VTI1A: variants seen among roughly 807,000 people sequenced by gnomAD.
The protein encoded by VTI1A is vesicle transport through interaction with t-SNAREs homolog 1A.
A neutral mutation model predicts 34.9 loss-of-function variants in VTI1A; 22 were observed. That is an observed-to-expected ratio of 0.63 (90% CI 0.45 to 0.90). VTI1A has a LOEUF of 0.90. Among genes scored for constraint, VTI1A ranks in the 40% least tolerant of loss-of-function variants. The pLI is 0.00. For synonymous variants in VTI1A, 87 were observed against 97.3 expected (o/e 0.89, Z 0.62); for missense variants, 268 against 275.6 (o/e 0.97, Z 0.20).
At chr10:112,590,326 A>G (rs1233399572) in intron 5 of VTI1A, among the ~76,000 whole-genome samples, 1 of 152,224 alleles carries the variant, frequency 6.6e-6, no homozygotes, top group African/African-American at 2.4e-5. Context: ...AGATAGACAG[A>G]CAGACAGACA....
chr10:112,844,800 G>T, the VTI1A span, among the ~76,000 whole-genome samples: 2 of 152,226 alleles, frequency 1.3e-5, no homozygotes, highest in African/African-American at 4.8e-5. Context: ...TCTTAACTGT[G>T]CAGCGCAAAA....
At chr10:112,770,832 C>T (rs1246962911) in intron 7 of VTI1A, among the ~76,000 whole-genome samples, 1 of 152,074 alleles carries the variant, frequency 6.6e-6, no homozygotes, top group Non-Finnish European at 1.5e-5. Flanking sequence ...AAAGTTTCTT[C>T]AGAAACAAAT....
At chr10:112,675,237 C>G (rs868002673) in intron 7 of VTI1A, among the ~76,000 whole-genome samples, 1 of 152,166 alleles carries the variant, frequency 6.6e-6, no homozygotes, top group African/African-American at 2.4e-5. Context: ...TATCTTCTTT[C>G]ACTTTCTATG....
rs7905949 is a variant in VTI1A at position 112,773,634 on chromosome 10, C to T, written c.561-41656C>T. On this transcript the variant is annotated intron_variant, in intron 7 of 7. Transcript: ENST00000393077. ...TTCTCAGTGTTGCAAGTGGTGGGTC[C>T]AGTATCTGGCAGAAGACAGTTGATT... 5.2e-3 allele frequency among the ~76,000 whole-genome samples: 795 copies of T among 152,254 alleles called. 7 individuals carry two copies. Among genetic ancestry groups the T allele is most frequent in the African/African-American group, 0.018 (753 of 41,530 alleles).
intron 5 of VTI1A, among the ~76,000 whole-genome samples, chr10:112,659,980 T>C (rs1235646353): frequency 2.0e-5 from 3 of 152,240 alleles, no homozygotes; most frequent in Non-Finnish European, 2.9e-5. Context: ...AAATTTCTAT[T>C]GTTTTGGGTT....
chr10:112,588,270 A>C (rs1241290204), intron 5 of VTI1A, among the ~76,000 whole-genome samples: 1 of 152,204 alleles, frequency 6.6e-6, no homozygotes, highest in African/African-American at 2.4e-5. Flanking sequence ...CAGCTAATCT[A>C]AAATAATTGT....
chr10:112,496,443 C>T (rs1163721339), intron 3 of VTI1A, among the ~76,000 whole-genome samples: 1 of 151,816 alleles, frequency 6.6e-6, no homozygotes, highest in Non-Finnish European at 1.5e-5. Context: ...TGGTGATGCG[C>T]ACCTGTAGTC....
At chr10:112,835,616 C>T in the VTI1A span, among the ~76,000 whole-genome samples, 2 of 152,082 alleles carry the variant, frequency 1.3e-5, no homozygotes, top group Non-Finnish European at 2.9e-5. Context: ...AACATATTAC[C>T]TTTCATGTGT....
intron 7 of VTI1A, among the ~76,000 whole-genome samples, chr10:112,792,833 C>G (rs1441044610): frequency 1.3e-5 from 2 of 152,204 alleles, no homozygotes; most frequent in Non-Finnish European, 1.5e-5. Context: ...GTAGGCTGCT[C>G]AACACCCTGA....
At chr10:112,586,499 A>G (rs1844165924) in intron 5 of VTI1A, among the ~76,000 whole-genome samples, 1 of 152,180 alleles carries the variant, frequency 6.6e-6, no homozygotes. Flanking sequence ...TATAAAGCCT[A>G]TTTTCAACAG....
chr10:112,828,921 A>G, the VTI1A span, among the ~76,000 whole-genome samples: 1 of 151,934 alleles, frequency 6.6e-6, no homozygotes, highest in Non-Finnish European at 1.5e-5. Context: ...TCATGAAGGC[A>G]GCATTTGAAC....
intron 7 of VTI1A, among the ~76,000 whole-genome samples, chr10:112,690,622 T>G (rs1848580824): frequency 1.3e-5 from 2 of 152,230 alleles, no homozygotes; most frequent in African/African-American, 4.8e-5. Context: ...TCGGTTGGAA[T>G]CTCCATCTTG....
In VTI1A at chr10:112,718,344, A is replaced by C. The variant is rs959747654; in HGVS notation, c.560+49346A>C. On this transcript the variant is annotated intron_variant, in intron 7 of 7. Coordinates refer to ENST00000393077, the MANE Select transcript of VTI1A (RefSeq NM_145206.4). ...ATGCTTCAGGGAGTGAAAAAAGAGA[A>C]ACTGAAAGAAAGGCCCAGATTTTGG... Among the ~76,000 whole-genome samples, 2 of 152,234 alleles carry C rather than the reference A, an allele frequency of 1.3e-5. 1 individual carries two copies. Among genetic ancestry groups the C allele is most frequent in the South Asian group, 4.1e-4 (2 of 4,834 alleles).
chr10:112,778,724 T>A (rs1008027075), intron 7 of VTI1A, among the ~76,000 whole-genome samples: 16 of 152,090 alleles, frequency 1.1e-4, no homozygotes, highest in African/African-American at 3.4e-4. Flanking sequence ...GTTTAGTCAA[T>A]ACTAACATAC....
intron 5 of VTI1A, among the ~76,000 whole-genome samples, chr10:112,646,266 T>A (rs1445308557): frequency 6.6e-6 from 1 of 152,132 alleles, no homozygotes; most frequent in African/African-American, 2.4e-5. Flanking sequence ...GTTAAAAAAA[T>A]AAAATAAAAC....
intron 7 of VTI1A, among the ~76,000 whole-genome samples, chr10:112,680,174 A>T (rs1848166576): frequency 6.6e-6 from 1 of 152,244 alleles, no homozygotes; most frequent in Non-Finnish European, 1.5e-5. Context: ...AAGTTCAACA[A>T]GACACTGAAA....
At chr10:112,584,634 A>G (rs1211435330) in intron 5 of VTI1A, among the ~76,000 whole-genome samples, 1 of 152,228 alleles carries the variant, frequency 6.6e-6, no homozygotes, top group African/African-American at 2.4e-5. Context: ...CCGACAACAA[A>G]CTAAGCTTCT....
chr10:112,520,621 ATGTGTGTGTG>A (rs150383079), intron 3 of VTI1A, among the ~76,000 whole-genome samples: 8 of 138,094 alleles, frequency 5.8e-5, no homozygotes, highest in Middle Eastern at 3.7e-3. Flanking sequence ...TAGTCTCTAT[ATGTGTGTGTG>A]TGTGTGTGTG....
chr10:112,774,814 CGTGT>C lies in VTI1A; in HGVS notation c.561-40470_561-40467del, dbSNP rs753535707. ...AGCAGTCCCAGAATGAAACAGATTT[CGTGT>C]GTGTGCACGGAGAAGCCCCCCTCCT... On this transcript the variant is annotated intron_variant, in intron 7 of 7. Coordinates refer to ENST00000393077, the MANE Select transcript of VTI1A (RefSeq NM_145206.4). 2.0e-5 allele frequency among the ~76,000 whole-genome samples: 3 copies of C among 152,072 alleles called. No homozygotes were observed. The East Asian group carries it at 5.8e-4, about 29-fold the overall frequency.
Sources: allele counts gnomAD v4.1 joint callset (sites outside exome capture counted in the v4.1 genomes callset), GRCh38; gene constraint gnomAD v4.1.1; transcripts MANE v1.5; gene names NCBI Gene and HGNC (gene_info 2026-07-23, HGNC 2026-07-21).